The following PNPT1 variants were observed in gnomAD, a reference collection of about 807,000 sequenced individuals.
PNPT1 encodes the protein polyribonucleotide nucleotidyltransferase 1, mitochondrial.
A neutral mutation model predicts 119.5 loss-of-function variants in PNPT1; 53 were observed. The observed-to-expected ratio is 0.44, with a 90% CI of 0.36 to 0.56. The LOEUF (loss-of-function observed/expected upper bound fraction) is 0.56, where lower values mean the gene tolerates loss of function less well. PNPT1 is among the 20% of genes least tolerant of loss of function. The pLI, the probability that PNPT1 is intolerant of heterozygous loss-of-function variation, is 0.00. For synonymous variants in PNPT1, 357 were observed against 322.1 expected, an observed-to-expected ratio of 1.11 and a Z score of -1.16; for missense variants, 948 against 938.5, an observed-to-expected ratio of 1.01 and a Z score of -0.13.
chr2:55,639,755 G>A (rs961106114), intron 26 of PNPT1, among the ~76,000 whole-genome samples: 37 of 152,198 alleles, frequency 2.4e-4, no homozygotes, highest in African/African-American at 8.4e-4. Flanking sequence ...GTCAAATTTT[G>A]TAAGTTTATT....
chr2:55,637,501 A>G, intron 27 of PNPT1, 51 bp downstream of exon 27: 1 of 1,491,748 alleles, frequency 6.7e-7, no homozygotes, highest in East Asian at 2.3e-5. Flanking sequence ...AAACAATGGA[A>G]GCTTCAAGAA....
chr2:55,693,108 A>C (rs1293534025), intron 1 of PNPT1, among the ~76,000 whole-genome samples: 4 of 152,062 alleles, frequency 2.6e-5, no homozygotes, highest in Admixed American at 6.6e-5. Context: ...CCAGGTCTTA[A>C]ACGAATATTT....
At chr2:55,683,510 G>C (rs1366432023) in intron 5 of PNPT1, among the ~76,000 whole-genome samples, 2 of 151,774 alleles carry the variant, frequency 1.3e-5, no homozygotes, top group Non-Finnish European at 2.9e-5. Flanking sequence ...CTACTCAGGA[G>C]GCTGAGGCAG....
At chr2:55,642,605 C>CAAAAAA (rs559417017) in intron 25 of PNPT1, among the ~76,000 whole-genome samples, 3 of 44,204 alleles carry the variant, frequency 6.8e-5, no homozygotes, top group Non-Finnish European at 1.2e-4. Context: ...GACTCTGTCC[C>CAAAAAA]AAAAAAAAAA....
At chr2:55,681,191 G>C (rs1188265187) in intron 5 of PNPT1, among the ~76,000 whole-genome samples, 4 of 152,078 alleles carry the variant, frequency 2.6e-5, no homozygotes, top group African/African-American at 9.7e-5. Flanking sequence ...CGGATCACCT[G>C]AGGTCAAGAG....
intron 8 of PNPT1, among the ~76,000 whole-genome samples, chr2:55,675,316 T>G (rs936527019): frequency 2.7e-5 from 4 of 149,170 alleles, no homozygotes; most frequent in Non-Finnish European, 4.4e-5. Flanking sequence ...TGGCTGGGCA[T>G]GGGGCTCATG....
At chr2:55,678,238 C>G (rs1013370870) in intron 8 of PNPT1, among the ~76,000 whole-genome samples, 3 of 152,180 alleles carry the variant, frequency 2.0e-5, no homozygotes, top group Non-Finnish European at 4.4e-5. Context: ...CAATACTTTG[C>G]TCAAGGCTCC....
chr2:55,636,098 T>C lies in PNPT1; in HGVS notation c.*139A>G. ...GAATTAAAAAAATGGCACATGTAAA[T>C]GAGCATTTTAGTACAAATAATTAAA... On this transcript the variant is annotated 3_prime_UTR_variant, in exon 28 of 28. Transcript: ENST00000447944. 2 of 502,350 alleles carry C rather than the reference T, an allele frequency of 4.0e-6. No individual in the cohort carries two copies. The highest frequency in any genetic ancestry group is 9.1e-5 in the South Asian group (1 of 10,964). 31.1% of individuals were successfully genotyped at this position (502,350 alleles called of 1,614,324 possible).
chr2:55,687,758 C>T (rs1572837784), intron 1 of PNPT1, 53 bp from the exon 2 acceptor site: 1 of 1,355,792 alleles, frequency 7.4e-7, no homozygotes, highest in Non-Finnish European at 1.0e-6. Flanking sequence ...CTGTACAATT[C>T]CTGCTTAGTA....
chr2:55,686,570 T>A, intron 2 of PNPT1, 126 bp from the exon 3 acceptor site: 1 of 676,480 alleles, frequency 1.5e-6, no homozygotes, highest in Non-Finnish European at 2.5e-6. Context: ...GACACGATTA[T>A]GAAATAAAAA....
chr2:55,669,762 CT>C (rs57731680), intron 11 of PNPT1, among the ~76,000 whole-genome samples: 776 of 3,230 alleles, frequency 0.24, 29 homozygotes, highest in East Asian at 0.32. Flanking sequence ...GCTAACAGCA[CT>C]TTTTTTTTTT....
chr2:55,636,906 A>C (rs920397651), intron 27 of PNPT1, among the ~76,000 whole-genome samples: 1 of 152,136 alleles, frequency 6.6e-6, no homozygotes. Flanking sequence ...AAATAAACCA[A>C]AAAATCAACC....
chr2:55,677,495 G>A (rs914364109), intron 8 of PNPT1, among the ~76,000 whole-genome samples: 29 of 149,300 alleles, frequency 1.9e-4, no homozygotes, highest in African/African-American at 6.7e-4. Context: ...TTGGGAGACT[G>A]AGGCAGGAGA....
At position 55,667,849 on chromosome 2, in the gene PNPT1, A is replaced by T. The variant is rs1696784875; in HGVS notation, c.1073+13T>A. 6.3e-7 allele frequency: 1 copy of T among 1,596,958 alleles called. No individual in the cohort carries two copies. Among genetic ancestry groups the T allele is most frequent in the Non-Finnish European group, 8.5e-7 (1 of 1,174,962 alleles). ...GTGCATACTTCAATTTCAACAAAAA[A>T]GGGTATGTTTACCTTTTGTATTCAT... is the stretch of plus-strand genomic sequence containing the variant. On this transcript the variant is annotated intron_variant, in intron 12 of 27. Transcript: ENST00000447944.
At chr2:55,668,252 T>C (rs1696800610) in intron 11 of PNPT1, among the ~76,000 whole-genome samples, 1 of 152,198 alleles carries the variant, frequency 6.6e-6, no homozygotes, top group African/African-American at 2.4e-5. Flanking sequence ...TTCTTTTCTT[T>C]TGGAGACAAA....
At chr2:55,639,113 C>T (rs1372256598) in intron 26 of PNPT1, among the ~76,000 whole-genome samples, 7 of 152,016 alleles carry the variant, frequency 4.6e-5, no homozygotes, top group East Asian at 3.9e-4. Flanking sequence ...TAAGAATTAC[C>T]GTTAAGTTTC....
At chr2:55,684,558 T>G (rs1697340993) in intron 4 of PNPT1, among the ~76,000 whole-genome samples, 1 of 152,248 alleles carries the variant, frequency 6.6e-6, no homozygotes, top group African/African-American at 2.4e-5. Context: ...TGGACATATT[T>G]CAGTAGCTGA....
intron 5 of PNPT1, among the ~76,000 whole-genome samples, chr2:55,682,482 A>C (rs1697278615): frequency 2.0e-5 from 3 of 152,122 alleles, no homozygotes; most frequent in Admixed American, 2.0e-4. Flanking sequence ...ATTTCTGTTT[A>C]TAAGCATAGA....
chr2:55,690,782 C>T (rs769933609), intron 1 of PNPT1, among the ~76,000 whole-genome samples: 1 of 151,876 alleles, frequency 6.6e-6, no homozygotes, highest in Non-Finnish European at 1.5e-5. Flanking sequence ...TGAAAGCCTA[C>T]AATAAAATGG....
Sources: allele counts gnomAD v4.1 joint callset (sites outside exome capture counted in the v4.1 genomes callset), GRCh38; gene constraint gnomAD v4.1.1; transcripts MANE v1.5; gene names NCBI Gene and HGNC (gene_info 2026-07-23, HGNC 2026-07-21).